Variants in CBY2 observed in about 807,000 individuals in gnomAD.
CBY2 encodes chibby family member 2, also known as protein chibby homolog 2.
Under a neutral mutation model 25.3 loss-of-function variants are expected in CBY2, and 23 were observed. The observed-to-expected ratio is 0.91, with a 90% CI of 0.65 to 1.29. CBY2 has a LOEUF of 1.29. Ranked by LOEUF, CBY2 falls within the 50% of genes most tolerant of loss-of-function variation. CBY2 has a pLI of 0.00. For missense variants in CBY2, 642 were observed against 590.7 expected (o/e 1.09, Z -0.90); for synonymous variants, 279 against 260.2 (o/e 1.07, Z -0.70).
At chr13:45,702,527 T>C (rs1167671090) in intron 1 of CBY2, 62 bp downstream of exon 1, 3 of 1,450,158 alleles carry the variant, frequency 2.1e-6, no homozygotes, top group Non-Finnish European at 2.9e-6. Context: ...TACAGCTATC[T>C]CCACTTCAAA....
rs749098653 is a variant in CBY2, at chr13:45,714,007, C to T, written c.982C>T (p.Arg328Trp). 2.0e-6 allele frequency: 3 copies of T among 1,493,776 alleles called. No individual in the cohort carries two copies. The highest frequency in any genetic ancestry group is 1.3e-5 in the South Asian group (1 of 77,880). The allele number at this position is 1,493,776 out of a possible 1,614,324, so 92.5% of individuals were successfully genotyped here. Residue 328 changes from arginine to tryptophan, a missense_variant, in exon 3 of 3, where the codon CGG becomes TGG. Arg to Trp is a moderately radical substitution (Grantham distance 101). Transcript: ENST00000310521. ...QEDSKELRAL[R>W]KMVSNMSGPS... ...GGACTCCAAGGAGCTGCGCGCCCTG[C>T]GGAAGATGGTCAGCAACATGTCCGG...
intron 2 of CBY2, among the ~76,000 whole-genome samples, chr13:45,711,146 C>T (rs978665414): frequency 1.3e-5 from 2 of 152,178 alleles, no homozygotes; most frequent in Non-Finnish European, 2.9e-5. Flanking sequence ...CAATCATCAC[C>T]TCTTCTCTAG....
chr13:45,711,708 C>CA (rs1482223222), intron 2 of CBY2, among the ~76,000 whole-genome samples: 1 of 152,160 alleles, frequency 6.6e-6, no homozygotes, highest in Non-Finnish European at 1.5e-5. Context: ...ATTTAAAACT[C>CA]ACTGGAGTTA....
In CBY2 at chr13:45,713,213, A is replaced by G. The variant is rs2137511203; in HGVS notation, c.188A>G (p.His63Arg). 6.2e-7 allele frequency: 1 copy of G among 1,613,132 alleles called. No individual in the cohort carries two copies. Among genetic ancestry groups the G allele is most frequent in the Admixed American group, 1.7e-5 (1 of 59,974 alleles). ...RGTAEPFPRLHNLYSTPRCAQ... is the reference protein window; with the variant it reads ...RGTAEPFPRLRNLYSTPRCAQ... ...ACAGCCGAACCCTTCCCGAGGCTCC[A>G]CAACTTGTACAGCACCCCTCGCTGC... is the stretch of plus-strand genomic sequence containing the variant. The change falls in exon 3 of 3, where the codon CAC becomes CGC. Residue 63 changes from histidine (H) to arginine (R), a missense_variant. Physicochemically the swap from His to Arg is conservative, Grantham distance 29. Transcript: ENST00000310521. The surrounding 1 kb of genome is among the most constrained non-coding windows in gnomAD (Gnocchi z 5.0).
Position 45,704,138 on chromosome 13 carries a change from G to C in CBY2, c.156+1283G>C, listed in dbSNP as rs1225381438. On this transcript the variant is annotated intron_variant, in intron 2 of 2. Transcript: ENST00000310521. The surrounding 1 kb of genome is among the most constrained non-coding windows in gnomAD (Gnocchi z 4.1). ...AACCTAGGGGTGGGTGTGAAGGAGG[G>C]GGTAGGATTTGAAAGAGTAGTGGTC... Among the ~76,000 whole-genome samples the C allele has an allele frequency of 2.0e-5, 3 of 152,120 alleles. No homozygotes were observed. Among genetic ancestry groups the C allele is most frequent in the Non-Finnish European group, 4.4e-5 (3 of 68,018 alleles).
chr13:45,704,244 G>A lies in CBY2; in HGVS notation c.156+1389G>A, dbSNP rs1217679618. Among the ~76,000 whole-genome samples the A allele has an allele frequency of 1.3e-5, 2 of 152,116 alleles. No individual in the cohort carries two copies. The highest frequency in any genetic ancestry group is 2.9e-5 in the Non-Finnish European group (2 of 68,028). ...CCCCAGCTCCCAGAAACAGCCCAAC[G>A]ATCAAGGAGAAGAGAAGGTGGTTTA... is the stretch of plus-strand genomic sequence containing the variant. On this transcript the variant is annotated intron_variant, in intron 2 of 2. Coordinates refer to ENST00000310521, the MANE Select transcript of CBY2 (RefSeq NM_152719.3). The surrounding 1 kb of genome is among the most constrained non-coding windows in gnomAD (Gnocchi z 4.1).
chr13:45,713,595 C>T lies in CBY2; in HGVS notation c.570C>T (p.Ser190=), dbSNP rs1950288292. ...TGCGCGAGGAGAACCGGATGCTCAG[C>T]AAGGAGAACAAGATCCTACAGGTCT... is the stretch of plus-strand genomic sequence containing the variant. ...KALREENRML[S]KENKILQVFW... The change falls in exon 3 of 3, where the codon AGC becomes AGT. Residue 190 remains serine, a synonymous_variant. Transcript: ENST00000310521. The surrounding 1 kb of genome is among the most constrained non-coding windows in gnomAD (Gnocchi z 5.0). 2.5e-6 allele frequency: 4 copies of T among 1,613,786 alleles called. No individual in the cohort carries two copies. Among genetic ancestry groups the T allele is most frequent in the Admixed American group, 1.7e-5 (1 of 60,018 alleles).
chr13:45,706,480 C>A (rs192913796), intron 2 of CBY2, among the ~76,000 whole-genome samples: 1 of 152,280 alleles, frequency 6.6e-6, no homozygotes, highest in East Asian at 1.9e-4. Context: ...TTCTAGCACC[C>A]GACAGGAAGG....
At chr13:45,707,694 T>A (rs1341992329) in intron 2 of CBY2, among the ~76,000 whole-genome samples, 2 of 152,216 alleles carry the variant, frequency 1.3e-5, no homozygotes, top group African/African-American at 4.8e-5. Context: ...AGAGAACCAT[T>A]GCAAAGTAAT....
chr13:45,703,051 C>A, intron 2 of CBY2, 196 bp downstream of exon 2: 1 of 1,293,918 alleles, frequency 7.7e-7, no homozygotes, highest in Non-Finnish European at 1.0e-6. Flanking sequence ...GGTTCTTTTT[C>A]CCATGAATGA....
intron 2 of CBY2, among the ~76,000 whole-genome samples, chr13:45,708,796 T>C (rs1329413697): frequency 1.3e-5 from 2 of 152,212 alleles, no homozygotes; most frequent in African/African-American, 2.4e-5. Context: ...AATTAAGCCA[T>C]GAGGAAACAC....
chr13:45,707,051 A>G (rs17067085), intron 2 of CBY2, among the ~76,000 whole-genome samples: 24,677 of 152,204 alleles, frequency 0.16, 2,131 homozygotes, highest in Middle Eastern at 0.21. Context: ...AACCCCAGGA[A>G]GTAGGCAGAG....
intron 2 of CBY2, chr13:45,703,646 T>C: frequency 7.0e-7 from 1 of 1,422,994 alleles, no homozygotes; most frequent in Non-Finnish European, 9.7e-7. Context: ...TGACCACTGG[T>C]GGGCATTCCA....
intron 2 of CBY2, among the ~76,000 whole-genome samples, chr13:45,709,288 T>A (rs754355977): frequency 6.6e-6 from 1 of 152,154 alleles, no homozygotes; most frequent in Non-Finnish European, 1.5e-5. Context: ...TGTATTTCTG[T>A]TGAGGGGATG....
intron 2 of CBY2, among the ~76,000 whole-genome samples, chr13:45,705,575 T>C (rs531932460): frequency 1.2e-4 from 19 of 152,362 alleles, no homozygotes; most frequent in African/African-American, 4.6e-4. Flanking sequence ...ATCTTCTTTA[T>C]CCTCTTTGCT....
rs1199866610 is a variant in CBY2, at chr13:45,714,233, A to C, written c.1208A>C (p.Asn403Thr). The C allele has an allele frequency of 6.2e-7, 1 of 1,613,070 alleles. No homozygotes were observed. The highest frequency in any genetic ancestry group is 8.5e-7 in the Non-Finnish European group (1 of 1,179,876). Reference protein sequence around the residue: ...FQEENKALWENNKLKLQQKLV... With the variant: ...FQEENKALWETNKLKLQQKLV... ...GAGGAGAACAAGGCCCTGTGGGAGA[A>C]CAACAAGCTGAAGCTGCAGCAGAAG... The change falls in exon 3 of 3, where the codon AAC becomes ACC. Residue 403 changes from asparagine to threonine, a missense_variant. Coordinates refer to ENST00000310521, the MANE Select transcript of CBY2 (RefSeq NM_152719.3).
At position 45,713,260 on chromosome 13, in the gene CBY2, C is replaced by A; in HGVS notation, c.235C>A (p.Arg79=). Residue 79 remains arginine (R), a synonymous_variant, in exon 3 of 3, where the codon CGG becomes AGG. Transcript: ENST00000310521. This position sits in a 1 kb window ranked among gnomAD's most constrained non-coding sequence, Gnocchi z 5.0. Reference sequence around the variant, plus strand: ...CTGCGCGCAGCAGGCCGCCCTGCCCCGGCTGAGCCGCAGGATGGCGAGCCA... The same window carrying A: ...CTGCGCGCAGCAGGCCGCCCTGCCCAGGCTGAGCCGCAGGATGGCGAGCCA... ...PRCAQQAALP[R]LSRRMASQHS... The A allele has an allele frequency of 6.2e-7, 1 of 1,613,816 alleles. No homozygotes were observed. Among genetic ancestry groups the A allele is most frequent in the Non-Finnish European group, 8.5e-7 (1 of 1,179,982 alleles).
chr13:45,706,660 C>T (rs965837521), intron 2 of CBY2, among the ~76,000 whole-genome samples: 1 of 152,176 alleles, frequency 6.6e-6, no homozygotes, highest in Non-Finnish European at 1.5e-5. Flanking sequence ...TTGCACCATG[C>T]TACACAGGCT....
intron 1 of CBY2, 118 bp from the exon 2 acceptor site, chr13:45,702,657 T>C (rs1950216336): frequency 1.1e-6 from 1 of 939,174 alleles, no homozygotes; most frequent in Non-Finnish European, 1.7e-6. Context: ...TTCATAATTG[T>C]ACATAATTGA....
Sources: allele counts gnomAD v4.1 joint callset (sites outside exome capture counted in the v4.1 genomes callset), GRCh38; gene constraint gnomAD v4.1.1; non-coding constraint Gnocchi (gnomAD v3.1); transcripts MANE v1.5; gene names NCBI Gene and HGNC (gene_info 2026-07-23, HGNC 2026-07-21).